Variants in ATP10B observed in about 807,000 individuals in gnomAD.
ATP10B encodes the protein phospholipid-transporting ATPase VB.
In ATP10B, 122 loss-of-function variants were observed where a neutral mutation model predicts 141.2. That is an observed-to-expected ratio of 0.86 (90% CI 0.75 to 1.00). ATP10B has a LOEUF of 1.00. Among genes scored for constraint, ATP10B ranks in the 50% least tolerant of loss-of-function variants. The probability of loss-of-function intolerance (pLI) is 0.00; values close to 1 mark genes in which losing one functional copy is unlikely to be tolerated. For synonymous variants in ATP10B, 685 were observed against 692.0 expected (o/e 0.99, Z 0.16); for missense variants, 1,876 against 1,825.3 (o/e 1.03, Z -0.51).
chr5:160,798,935 C>T (rs193147196), intron 1 of ATP10B, among the ~76,000 whole-genome samples: 2 of 151,468 alleles, frequency 1.3e-5, no homozygotes, highest in South Asian at 2.1e-4. Context: ...TACTTTTATT[C>T]GAGATGGGGT....
At chr5:160,619,844 G>T (rs903641594) in intron 15 of ATP10B, among the ~76,000 whole-genome samples, 1 of 152,186 alleles carries the variant, frequency 6.6e-6, no homozygotes, top group Admixed American at 6.5e-5. Flanking sequence ...AGTACACCAA[G>T]CCCAGTGCAG....
At chr5:160,798,621 A>G (rs1166853216) in intron 1 of ATP10B, among the ~76,000 whole-genome samples, 2 of 152,178 alleles carry the variant, frequency 1.3e-5, no homozygotes, top group African/African-American at 4.8e-5. Flanking sequence ...CTCTGATTTC[A>G]GACTTCTAAC....
At chr5:160,659,676 C>A (rs534712977) in intron 7 of ATP10B, among the ~76,000 whole-genome samples, 1 of 151,864 alleles carries the variant, frequency 6.6e-6, no homozygotes, top group East Asian at 1.9e-4. Context: ...AGGAGATCAC[C>A]ACAAGGAGGC....
intron 20 of ATP10B, 192 bp downstream of exon 20, chr5:160,603,773 A>G (rs751996036): frequency 1.5e-5 from 8 of 535,420 alleles, no homozygotes; most frequent in Non-Finnish European, 2.4e-5. Context: ...TCCAAGCTGA[A>G]TTTTGACACT....
chr5:160,797,111 C>G (rs1772000566), intron 1 of ATP10B, among the ~76,000 whole-genome samples: 1 of 152,074 alleles, frequency 6.6e-6, no homozygotes, highest in African/African-American at 2.4e-5. Flanking sequence ...AGTTTCAAAG[C>G]CTGTGGAGAA....
At chr5:160,715,645 C>G (rs1328914985) in intron 3 of ATP10B, among the ~76,000 whole-genome samples, 1 of 152,108 alleles carries the variant, frequency 6.6e-6, no homozygotes, top group African/African-American at 2.4e-5. Context: ...CTCCCACTCT[C>G]ATAAACAAAT....
chr5:160,810,010 A>G (rs935754001), intron 1 of ATP10B, among the ~76,000 whole-genome samples: 2 of 152,136 alleles, frequency 1.3e-5, no homozygotes, highest in African/African-American at 4.8e-5. Context: ...AAAATTGTTG[A>G]CCTGAAGTTG....
At chr5:160,784,447 G>C (rs79862605) in intron 2 of ATP10B, among the ~76,000 whole-genome samples, 2,366 of 152,322 alleles carry the variant, frequency 0.016, 56 homozygotes, top group African/African-American at 0.054. Context: ...TTCTTAAGCA[G>C]TTGGTATCTG....
the ATP10B span, among the ~76,000 whole-genome samples, chr5:160,863,177 T>TC: frequency 3.3e-4 from 50 of 152,072 alleles, no homozygotes; most frequent in Middle Eastern, 3.4e-3. Context: ...TATCTGATGC[T>TC]CCCACTCGTT....
At chr5:160,863,505 A>T in the ATP10B span, among the ~76,000 whole-genome samples, 1 of 152,140 alleles carries the variant, frequency 6.6e-6, no homozygotes, top group Admixed American at 6.6e-5. Flanking sequence ...CACACCAAAA[A>T]GTGTGAAAAA....
the ATP10B span, among the ~76,000 whole-genome samples, chr5:160,885,020 G>A: frequency 4.9e-4 from 75 of 152,292 alleles, no homozygotes; most frequent in Admixed American, 9.2e-4. Flanking sequence ...GTTGGAACTG[G>A]TGGCAAGGCC....
At chr5:160,657,720 T>A (rs1039842844) in intron 7 of ATP10B, among the ~76,000 whole-genome samples, 1 of 152,228 alleles carries the variant, frequency 6.6e-6, no homozygotes, top group Non-Finnish European at 1.5e-5. Flanking sequence ...TAAAAGGAAC[T>A]AATTGTTGGC....
chr5:160,603,762 T>C (rs2127628030), intron 20 of ATP10B: 1 of 535,656 alleles, frequency 1.9e-6, no homozygotes, highest in East Asian at 2.9e-5. Context: ...AGTTTGCTTC[T>C]TCCAAGCTGA....
chr5:160,783,511 C>T (rs1296127893), intron 2 of ATP10B, among the ~76,000 whole-genome samples: 3 of 136,534 alleles, frequency 2.2e-5, no homozygotes, highest in Admixed American at 1.5e-4. Flanking sequence ...CATATATATA[C>T]TATATATATG....
intron 1 of ATP10B, among the ~76,000 whole-genome samples, chr5:160,838,744 T>G (rs1374486509): frequency 6.6e-6 from 1 of 152,114 alleles, no homozygotes; most frequent in Non-Finnish European, 1.5e-5. Flanking sequence ...TGAAATGAAA[T>G]GAAGGCCAAG....
At chr5:160,787,309 C>A (rs1443885297) in intron 1 of ATP10B, among the ~76,000 whole-genome samples, 1 of 152,170 alleles carries the variant, frequency 6.6e-6, no homozygotes, top group Non-Finnish European at 1.5e-5. Context: ...AGGCAGGGCA[C>A]ATTTACTTCG....
intron 3 of ATP10B, among the ~76,000 whole-genome samples, chr5:160,695,515 TG>T (rs1764308339): frequency 1.3e-5 from 2 of 151,792 alleles, no homozygotes; most frequent in African/African-American, 4.8e-5. Context: ...TGTGTGTGTG[TG>T]TGTGTATGTG....
the ATP10B span, among the ~76,000 whole-genome samples, chr5:160,879,894 C>G: frequency 3.9e-5 from 6 of 151,982 alleles, no homozygotes; most frequent in African/African-American, 1.4e-4. Context: ...GTGATTGTAT[C>G]AAGGTTTCAG....
chr5:160,867,671 G>A, the ATP10B span, among the ~76,000 whole-genome samples: 1 of 152,214 alleles, frequency 6.6e-6, no homozygotes, highest in East Asian at 1.9e-4. Flanking sequence ...CAGAATTATA[G>A]TTGCTAATTT....
Sources: allele counts gnomAD v4.1 joint callset (sites outside exome capture counted in the v4.1 genomes callset), GRCh38; gene constraint gnomAD v4.1.1; transcripts MANE v1.5; gene names NCBI Gene and HGNC (gene_info 2026-07-23, HGNC 2026-07-21).